The following RBFOX1 variants were observed in gnomAD, a reference collection of about 807,000 sequenced individuals.
RBFOX1 encodes RNA binding protein fox-1 homolog 1.
A neutral mutation model predicts 57.7 loss-of-function variants in RBFOX1; 8 were observed. The ratio of observed to expected loss-of-function variants is 0.14; its 90% CI spans 0.08 to 0.25. RBFOX1 has a LOEUF of 0.25. Ranked by LOEUF, RBFOX1 falls within the 10% of genes least tolerant of loss-of-function variation. The pLI, the probability that RBFOX1 is intolerant of heterozygous loss-of-function variation, is 1.00. For synonymous variants in RBFOX1, 326 were observed against 222.4 expected (o/e 1.47, Z -4.15); for missense variants, 611 against 548.5 (o/e 1.11, Z -1.14).
chr16:7,135,613 G>C (rs1011660980), intron 4 of RBFOX1, among the ~76,000 whole-genome samples: 1 of 152,230 alleles, frequency 6.6e-6, no homozygotes, highest in East Asian at 1.9e-4. Context: ...AAACTTTGTA[G>C]TTGTTAATTT....
intron 14 of RBFOX1, among the ~76,000 whole-genome samples, chr16:7,686,949 A>T (rs919571417): frequency 6.6e-6 from 1 of 152,086 alleles, no homozygotes. Flanking sequence ...TAGAATAGCC[A>T]AACTGGGGAG....
intron 1 of RBFOX1, among the ~76,000 whole-genome samples, chr16:6,224,169 T>C (rs1252531211): frequency 6.6e-6 from 1 of 152,114 alleles, no homozygotes; most frequent in Admixed American, 6.5e-5. Flanking sequence ...GGCTTAGGAT[T>C]GACTTGGTGA....
intron 3 of RBFOX1, among the ~76,000 whole-genome samples, chr16:6,772,796 GTA>G (rs2078551921): frequency 1.3e-5 from 2 of 150,316 alleles, no homozygotes; most frequent in African/African-American, 4.9e-5. Flanking sequence ...ATTTGTGTGC[GTA>G]TGTGTGGGCC....
At chr16:5,526,137 T>G (rs2044235803) in intron 2 of RBFOX1, among the ~76,000 whole-genome samples, 1 of 152,156 alleles carries the variant, frequency 6.6e-6, no homozygotes, top group Admixed American at 6.5e-5. Flanking sequence ...GGCCTCTGTC[T>G]CGAGAGTGAC....
chr16:6,985,434 C>G (rs889525371), intron 3 of RBFOX1, among the ~76,000 whole-genome samples: 1 of 152,162 alleles, frequency 6.6e-6, no homozygotes, highest in Non-Finnish European at 1.5e-5. Context: ...ATCACTTCAG[C>G]CCATGTGTTC....
At chr16:6,637,714 G>A (rs2098457116) in intron 2 of RBFOX1, among the ~76,000 whole-genome samples, 2 of 151,340 alleles carry the variant, frequency 1.3e-5, no homozygotes, top group Non-Finnish European at 2.9e-5. Context: ...CTGACCATGA[G>A]TACAGGGTCT....
chr16:5,486,020 G>A (rs1334007483), intron 2 of RBFOX1, among the ~76,000 whole-genome samples: 1 of 152,156 alleles, frequency 6.6e-6, no homozygotes, highest in Admixed American at 6.5e-5. Context: ...GTATGAGCTC[G>A]CCTCCTCTCT....
chr16:6,998,277 C>G (rs1239305139), intron 3 of RBFOX1, among the ~76,000 whole-genome samples: 1 of 152,150 alleles, frequency 6.6e-6, no homozygotes, highest in Non-Finnish European at 1.5e-5. Flanking sequence ...GTTCTAGAAA[C>G]TGGCTTAGGA....
At chr16:6,978,590 T>C (rs936059995) in intron 3 of RBFOX1, among the ~76,000 whole-genome samples, 2 of 152,200 alleles carry the variant, frequency 1.3e-5, no homozygotes, top group Non-Finnish European at 2.9e-5. Flanking sequence ...ATTCTGGGTA[T>C]TACCAGGTTG....
intron 4 of RBFOX1, among the ~76,000 whole-genome samples, chr16:7,385,372 C>G (rs17143527): frequency 0.57 from 87,022 of 151,578 alleles, 25,145 homozygotes; most frequent in East Asian, 0.77. Flanking sequence ...AATGGAAGTA[C>G]CGTTGTAGAA....
chr16:7,053,384 G>A (rs1402645209), intron 4 of RBFOX1, among the ~76,000 whole-genome samples: 6 of 152,138 alleles, frequency 3.9e-5, no homozygotes. Context: ...TTTCTGAACT[G>A]TCTTACTGCT....
chr16:6,484,670 G>T lies in RBFOX1; in HGVS notation c.-64+167613G>T, dbSNP rs77529541. Among the ~76,000 whole-genome samples the T allele has an allele frequency of 4.9e-3, 749 of 152,220 alleles. 26 individuals carry two copies. The East Asian group carries it at 0.1, about 20-fold the overall frequency. ...TTTTCAGATTATGGGGAAATTGGGGGTTTTATTATTTCTTTTGACAAAAGA... is the reference window on the plus strand; with the variant it reads ...TTTTCAGATTATGGGGAAATTGGGGTTTTTATTATTTCTTTTGACAAAAGA... On this transcript the variant is annotated intron_variant, in intron 2 of 15. Coordinates refer to ENST00000550418, the MANE Select transcript of RBFOX1 (RefSeq NM_018723.4).
chr16:7,441,000 C>T (rs527989909), intron 4 of RBFOX1, among the ~76,000 whole-genome samples: 1 of 152,062 alleles, frequency 6.6e-6, no homozygotes. Context: ...TAGGATCATG[C>T]CACTGTGCTT....
At chr16:6,966,507 AG>A (rs1301823469) in intron 3 of RBFOX1, among the ~76,000 whole-genome samples, 1 of 152,028 alleles carries the variant, frequency 6.6e-6, no homozygotes, top group East Asian at 1.9e-4. Flanking sequence ...AGGTGGCGAG[AG>A]GGGCGGACGG....
chr16:7,563,635 T>G (rs1304366122), intron 5 of RBFOX1, among the ~76,000 whole-genome samples: 1 of 152,054 alleles, frequency 6.6e-6, no homozygotes, highest in Non-Finnish European at 1.5e-5. Flanking sequence ...ACTTGGCTAA[T>G]TTTTTGTACT....
At chr16:7,277,976 T>G (rs2095472694) in intron 4 of RBFOX1, among the ~76,000 whole-genome samples, 1 of 151,510 alleles carries the variant, frequency 6.6e-6, no homozygotes, top group African/African-American at 2.4e-5. Flanking sequence ...ACTAAGACAT[T>G]AATATTTTAT....
chr16:7,513,283 T>TAATGAATGAATGAATG (rs71150306), intron 4 of RBFOX1, among the ~76,000 whole-genome samples: 10 of 135,574 alleles, frequency 7.4e-5, no homozygotes, highest in African/African-American at 3.0e-4. Context: ...AAAATAAAAA[T>TAATGAATGAATGAATG]AATGAATGAA....
intron 4 of RBFOX1, among the ~76,000 whole-genome samples, chr16:5,969,999 G>A (rs554258731): frequency 9.2e-5 from 14 of 152,166 alleles, no homozygotes; most frequent in East Asian, 7.8e-4. Context: ...TTCACTCACC[G>A]TTGGGTTGGG....
At chr16:5,355,423 A>G (rs7202471) in intron 1 of RBFOX1, among the ~76,000 whole-genome samples, 12,255 of 151,948 alleles carry the variant, frequency 0.081, 679 homozygotes, top group African/African-American at 0.15. Context: ...GGACAAGGAG[A>G]CCTCTTGATG....
Sources: gnomAD v4.1 joint callset for allele counts (sites outside exome capture counted in the v4.1 genomes callset) on GRCh38, gnomAD v4.1.1 for gene constraint, MANE v1.5 for transcripts, NCBI Gene and HGNC (gene_info 2026-07-23, HGNC 2026-07-21) for gene names.